Variants in ATG5 observed in about 807,000 individuals in gnomAD.
The protein encoded by ATG5 is autophagy protein 5.
In ATG5, 14 loss-of-function variants were observed where a neutral mutation model predicts 36.5. That is an observed-to-expected ratio of 0.38 (90% CI 0.25 to 0.60). The LOEUF is 0.60. Ranked by LOEUF, ATG5 falls within the 20% of genes least tolerant of loss-of-function variation. ATG5 has a pLI of 0.60. For synonymous variants in ATG5, 95 were observed against 101.5 expected (o/e 0.94, Z 0.38); for missense variants, 195 against 326.7 (o/e 0.60, Z 3.11).
chr6:106,314,364 C>G (rs1279022191), intron 2 of ATG5, among the ~76,000 whole-genome samples: 1 of 152,116 alleles, frequency 6.6e-6, no homozygotes, highest in Non-Finnish European at 1.5e-5. Context: ...TGAGACCAGC[C>G]TGGCCAACAT....
At chr6:106,222,909 A>G (rs1198242579) in intron 6 of ATG5, among the ~76,000 whole-genome samples, 1 of 152,234 alleles carries the variant, frequency 6.6e-6, no homozygotes, top group Non-Finnish European at 1.5e-5. Flanking sequence ...AAAGCGCAAT[A>G]AATGTTAGCT....
chr6:106,287,214 CAGG>C (rs1227680464), intron 4 of ATG5, among the ~76,000 whole-genome samples: 4 of 152,170 alleles, frequency 2.6e-5, no homozygotes, highest in Non-Finnish European at 4.4e-5. Flanking sequence ...CAACACATAA[CAGG>C]AGGAGGGACA....
At chr6:106,236,001 T>C (rs538557) in intron 6 of ATG5, among the ~76,000 whole-genome samples, 6,734 of 152,190 alleles carry the variant, frequency 0.044, 416 homozygotes, top group East Asian at 0.25. Context: ...TACTACACCC[T>C]CCTGACCTGG....
chr6:106,323,551 T>C (rs551161506), intron 1 of ATG5, among the ~76,000 whole-genome samples: 1 of 152,256 alleles, frequency 6.6e-6, no homozygotes, highest in East Asian at 1.9e-4. Flanking sequence ...GTTATATTCT[T>C]TAGTTGCTCA....
At chr6:106,265,290 C>T (rs1313573049) in intron 5 of ATG5, among the ~76,000 whole-genome samples, 2 of 151,338 alleles carry the variant, frequency 1.3e-5, no homozygotes. Flanking sequence ...ATCAATGCAA[C>T]AACAAGAGCT....
intron 1 of ATG5, among the ~76,000 whole-genome samples, chr6:106,317,095 G>C (rs1054631167): frequency 1.3e-5 from 2 of 152,120 alleles, no homozygotes; most frequent in Admixed American, 6.5e-5. Flanking sequence ...ATAAGGACAT[G>C]GCTTTTGACC....
At position 106,186,468 on chromosome 6, in the gene ATG5, T is replaced by A; in HGVS notation, c.*72A>T. 1 of 1,565,358 alleles carries A rather than the reference T, an allele frequency of 6.4e-7. No individual in the cohort carries two copies. The highest frequency in any genetic ancestry group is 8.7e-7 in the Non-Finnish European group (1 of 1,143,832). On this transcript the variant is annotated 3_prime_UTR_variant, in exon 8 of 8. Transcript: ENST00000369076. The stretch of plus-strand genomic sequence containing the variant: ...TCAGGTTGCCTCCACCAAACCTGAT[T>A]GAAGCAAAAGGGTGACATGCTCTGA...
chr6:106,208,858 TG>T (rs950859692), intron 6 of ATG5, among the ~76,000 whole-genome samples: 1 of 151,972 alleles, frequency 6.6e-6, no homozygotes, highest in African/African-American at 2.4e-5. Flanking sequence ...AATTAGAAAA[TG>T]GGCAAAAGAC....
intron 5 of ATG5, among the ~76,000 whole-genome samples, chr6:106,277,995 A>C (rs1404249982): frequency 6.6e-6 from 1 of 151,988 alleles, no homozygotes; most frequent in Non-Finnish European, 1.5e-5. Context: ...CTCAGAGTGG[A>C]GTGTGGTGGC....
intron 5 of ATG5, among the ~76,000 whole-genome samples, chr6:106,249,840 T>C (rs1171728108): frequency 6.6e-6 from 1 of 152,244 alleles, no homozygotes; most frequent in Non-Finnish European, 1.5e-5. Context: ...TGGTTTTGAT[T>C]TGCATTTCCT....
chr6:106,185,832 G>A lies in ATG5; in HGVS notation c.*708C>T, dbSNP rs1212685786. On this transcript the variant is annotated 3_prime_UTR_variant, in exon 8 of 8. Coordinates refer to ENST00000369076, the MANE Select transcript of ATG5 (RefSeq NM_004849.4). ...CCTATATCCACCCCATGCCAATGACGACCAGTCAAAATGGTAACACAGAGT... is the reference window on the plus strand; with the variant it reads ...CCTATATCCACCCCATGCCAATGACAACCAGTCAAAATGGTAACACAGAGT... The A allele has an allele frequency of 6.6e-6, 1 of 152,468 alleles. No homozygotes were observed. Among genetic ancestry groups the A allele is most frequent in the Non-Finnish European group, 1.5e-5 (1 of 68,022 alleles). The allele number at this position is 152,468 out of a possible 1,614,324, so 9.4% of individuals were successfully genotyped here. A position where few individuals can be genotyped will look rare whatever the true frequency, so the allele number is the denominator to read the frequency against.
intron 3 of ATG5, among the ~76,000 whole-genome samples, chr6:106,303,401 A>G (rs911620392): frequency 6.6e-6 from 1 of 152,134 alleles, no homozygotes; most frequent in African/African-American, 2.4e-5. Flanking sequence ...TATATATATC[A>G]AAGAAATTGA....
chr6:106,293,127 T>G, intron 3 of ATG5, 21 bp from the exon 4 acceptor site: 1 of 1,593,400 alleles, frequency 6.3e-7, no homozygotes, highest in Non-Finnish European at 8.6e-7. Flanking sequence ...AACAGTATAT[T>G]TTGAGAAAAT....
At chr6:106,260,853 A>G (rs1778991281) in intron 5 of ATG5, among the ~76,000 whole-genome samples, 1 of 152,222 alleles carries the variant, frequency 6.6e-6, no homozygotes, top group African/African-American at 2.4e-5. Flanking sequence ...CACTATAGCC[A>G]CTAATCAGAA....
At chr6:106,225,543 T>C (rs1316867532) in intron 6 of ATG5, among the ~76,000 whole-genome samples, 2 of 152,220 alleles carry the variant, frequency 1.3e-5, no homozygotes, top group Non-Finnish European at 2.9e-5. Flanking sequence ...AAAATCCATT[T>C]ATCCAAACTT....
In ATG5 at chr6:106,293,107, C is replaced by T; in HGVS notation, c.237-1G>A. Reference sequence around the variant, plus strand: ...AAATAGCAAACCAATTGGATAATGCCTAAAAATGAAACAGTATATTTTGAG... The same window carrying T: ...AAATAGCAAACCAATTGGATAATGCTTAAAAATGAAACAGTATATTTTGAG... On this transcript the variant is annotated splice_acceptor_variant, in intron 3 of 7. Transcript: ENST00000369076. LOFTEE classifies it high-confidence loss of function. 6.2e-7 allele frequency: 1 copy of T among 1,610,988 alleles called. No homozygotes were observed. The highest frequency in any genetic ancestry group is 8.5e-7 in the Non-Finnish European group (1 of 1,177,736).
intron 3 of ATG5, among the ~76,000 whole-genome samples, chr6:106,300,297 A>G (rs1478596095): frequency 6.6e-6 from 1 of 152,192 alleles, no homozygotes; most frequent in Admixed American, 6.5e-5. Flanking sequence ...TAAGTTCCAG[A>G]AATTCACAAC....
intron 6 of ATG5, among the ~76,000 whole-genome samples, chr6:106,215,015 AAT>A (rs1018142419): frequency 1.3e-5 from 2 of 152,320 alleles, no homozygotes; most frequent in African/African-American, 4.8e-5. Flanking sequence ...ATAGCTTTAA[AAT>A]ATCTTTGCTA....
chr6:106,240,847 C>A, intron 6 of ATG5, among the ~76,000 whole-genome samples: 1 of 152,040 alleles, frequency 6.6e-6, no homozygotes. Context: ...AAACATAATG[C>A]AGCCATTAAA....
Sources: allele counts gnomAD v4.1 joint callset (sites outside exome capture counted in the v4.1 genomes callset), GRCh38; gene constraint gnomAD v4.1.1; transcripts MANE v1.5; gene names NCBI Gene and HGNC (gene_info 2026-07-23, HGNC 2026-07-21).